Variants in NSUN2 observed in about 807,000 individuals in gnomAD.
The protein encoded by NSUN2 is NOP2/Sun RNA methyltransferase 2, also known as RNA cytosine C(5)-methyltransferase NSUN2.
A neutral mutation model predicts 92.7 loss-of-function variants in NSUN2; 63 were observed. The ratio of observed to expected loss-of-function variants is 0.68; its 90% confidence interval spans 0.56 to 0.84. The LOEUF (loss-of-function observed/expected upper bound fraction) is 0.84, where lower values mean the gene tolerates loss of function less well. NSUN2 is among the 40% of genes least tolerant of loss of function. NSUN2 has a pLI of 0.00. For synonymous variants in NSUN2, 356 were observed against 348.3 expected (o/e 1.02, Z -0.25); for missense variants, 989 against 964.9 (o/e 1.02, Z -0.33).
intron 14 of NSUN2, 33 bp from the exon 15 acceptor site, chr5:6,605,441 TGA>T: frequency 6.2e-7 from 1 of 1,609,494 alleles, no homozygotes; most frequent in Non-Finnish European, 8.5e-7. Flanking sequence ...TTATCCACAA[TGA>T]GTTCAAAATC....
rs200764557 is a variant in NSUN2, at chr5:6,626,530, G to T, written c.360-861C>A. 8.5e-5 allele frequency among the ~76,000 whole-genome samples: 13 copies of T among 152,210 alleles called. No homozygotes were observed. In the East Asian group the frequency reaches 1.9e-3, roughly 23 times the overall value. On this transcript the variant is annotated intron_variant, in intron 3 of 18. Transcript: ENST00000264670. ...CTGGGATTACAGACGTGTATTTTCA[G>T]TAGAGATGTGGTTTTGCCGTGTTGG...
intron 14 of NSUN2, among the ~76,000 whole-genome samples, chr5:6,606,205 T>G (rs576231229): frequency 6.6e-6 from 1 of 152,350 alleles, no homozygotes; most frequent in East Asian, 1.9e-4. Context: ...CTAGACAACC[T>G]TGGCTACTCG....
At chr5:6,616,961 C>T in intron 8 of NSUN2, 104 bp from the exon 9 acceptor site, 1 of 1,020,572 alleles carries the variant, frequency 9.8e-7, no homozygotes, top group Middle Eastern at 2.3e-4. Flanking sequence ...TTTTATAACA[C>T]AATTATACTT....
intron 12 of NSUN2, among the ~76,000 whole-genome samples, chr5:6,608,025 G>A (rs369227192): frequency 1.3e-5 from 2 of 152,166 alleles, no homozygotes; most frequent in South Asian, 2.1e-4. Context: ...GATAAAAGTC[G>A]TAATTCCTCA....
In NSUN2 at chr5:6,599,531, T is replaced by C. The variant is rs896830828; in HGVS notation, c.*395A>G. 6.2e-6 allele frequency: 1 copy of C among 161,492 alleles called. No homozygotes were observed. The highest frequency in any genetic ancestry group is 2.4e-5 in the African/African-American group (1 of 41,672). 10.0% of individuals were successfully genotyped at this position (161,492 alleles called of 1,614,324 possible). ...CACACTTCCCCAAGAATTTATAGAT[T>C]CTTTCTATAAATAATAATTTAAAAA... is the stretch of plus-strand genomic sequence containing the variant. On this transcript the variant is annotated 3_prime_UTR_variant, in exon 19 of 19. Coordinates refer to ENST00000264670, the MANE Select transcript of NSUN2 (RefSeq NM_017755.6).
chr5:6,622,434 G>A (rs547821619), intron 5 of NSUN2, among the ~76,000 whole-genome samples: 20 of 152,278 alleles, frequency 1.3e-4, no homozygotes, highest in East Asian at 3.9e-4. Flanking sequence ...TAACAGCTCC[G>A]TAACCTCAGT....
At chr5:6,629,493 G>A (rs558672525) in intron 3 of NSUN2, among the ~76,000 whole-genome samples, 1 of 152,310 alleles carries the variant, frequency 6.6e-6, no homozygotes, top group African/African-American at 2.4e-5. Flanking sequence ...TCCTGGACAG[G>A]AACTTCTTCA....
chr5:6,616,969 C>A, intron 8 of NSUN2, 112 bp from the exon 9 acceptor site: 1 of 969,824 alleles, frequency 1.0e-6, no homozygotes, highest in Non-Finnish European at 1.4e-6. Flanking sequence ...CACAATTATA[C>A]TTAAAAAAAA....
chr5:6,610,673 G>C (rs7731492), intron 11 of NSUN2, among the ~76,000 whole-genome samples: 1 of 148,500 alleles, frequency 6.7e-6, no homozygotes, highest in East Asian at 2.0e-4. Context: ...GACAGAGTGA[G>C]ACTCTCTCTC....
intron 18 of NSUN2, among the ~76,000 whole-genome samples, chr5:6,601,631 G>A (rs1002550946): frequency 7.2e-5 from 11 of 151,886 alleles, no homozygotes; most frequent in South Asian, 2.1e-4. Context: ...GGCTGGGCCC[G>A]CCCCGACCCC....
At chr5:6,628,715 GAATA>G (rs1352181991) in intron 3 of NSUN2, among the ~76,000 whole-genome samples, 3 of 152,106 alleles carry the variant, frequency 2.0e-5, no homozygotes. Flanking sequence ...AGATGAATTT[GAATA>G]AATAAATGTT....
chr5:6,611,577 T>G, intron 10 of NSUN2, 148 bp downstream of exon 10: 2 of 666,430 alleles, frequency 3.0e-6, no homozygotes, highest in Non-Finnish European at 5.1e-6. Flanking sequence ...AAATGTGTCA[T>G]GAAATAACAC....
At chr5:6,607,145 A>G in intron 13 of NSUN2, 55 bp downstream of exon 13, 1 of 1,569,280 alleles carries the variant, frequency 6.4e-7, no homozygotes, top group Non-Finnish European at 8.7e-7. Flanking sequence ...CATTTAATCC[A>G]AAAGGACTGT....
rs891390906 is a variant in NSUN2 at position 6,625,387 on chromosome 5, A to G, written c.465+177T>C. ...AATTTCATGACTAGATAAACCAAAC[A>G]AGGCAACGGATATACAAATAATCAG... On this transcript the variant is annotated intron_variant, in intron 4 of 18. Transcript: ENST00000264670. 2.0e-4 allele frequency among the ~76,000 whole-genome samples: 31 copies of G among 152,188 alleles called. 1 individual carries two copies. The highest frequency in any genetic ancestry group is 1.8e-3 in the Admixed American group (28 of 15,286).
chr5:6,630,079 C>T lies in NSUN2; in HGVS notation c.359+1794G>A, dbSNP rs748883287. On this transcript the variant is annotated intron_variant, in intron 3 of 18. Transcript: ENST00000264670. ...TCGTCAATCAAATCTTCAAACCAAA[C>T]GACTTGAGCAAAGTCTACAACCTAG... 5.9e-5 allele frequency among the ~76,000 whole-genome samples: 9 copies of T among 152,182 alleles called. No homozygotes were observed. In the South Asian group the frequency reaches 1.2e-3, roughly 21 times the overall value.
intron 9 of NSUN2, among the ~76,000 whole-genome samples, chr5:6,614,093 CGGA>C (rs1476857542): frequency 5.2e-5 from 2 of 38,120 alleles, no homozygotes; most frequent in Non-Finnish European, 9.3e-5. Context: ...GAGACTGTCT[CGGA>C]AAAAAAAAAA....
chr5:6,630,962 C>T (rs1046933737), intron 3 of NSUN2, among the ~76,000 whole-genome samples: 2 of 152,000 alleles, frequency 1.3e-5, no homozygotes, highest in Admixed American at 6.5e-5. Flanking sequence ...GGCGTGGTGG[C>T]GGGCACCTGT....
chr5:6,599,550 T>G lies in NSUN2; in HGVS notation c.*376A>C, dbSNP rs747428952. On this transcript the variant is annotated 3_prime_UTR_variant, in exon 19 of 19. Transcript: ENST00000264670. ...ATAGATTCTTTCTATAAATAATAAT[T>G]TAAAAAATACTGCACCTTAAGACCA... 18 of 166,454 alleles carry G rather than the reference T, an allele frequency of 1.1e-4. No homozygotes were observed. The highest frequency in any genetic ancestry group is 1.7e-4 in the Non-Finnish European group (13 of 77,310). 10.3% of individuals were successfully genotyped at this position (166,454 alleles called of 1,614,324 possible).
At chr5:6,626,449 G>A (rs979247416) in intron 3 of NSUN2, among the ~76,000 whole-genome samples, 14 of 151,526 alleles carry the variant, frequency 9.2e-5, no homozygotes, top group African/African-American at 3.4e-4. Flanking sequence ...AGCTCACTGT[G>A]ACTTCTGCCT....
Sources: allele counts gnomAD v4.1 joint callset (sites outside exome capture counted in the v4.1 genomes callset), GRCh38; gene constraint gnomAD v4.1.1; transcripts MANE v1.5; gene names NCBI Gene and HGNC (gene_info 2026-07-23, HGNC 2026-07-21).